Variants in DAB1 observed in about 807,000 individuals in gnomAD.
DAB1 encodes disabled homolog 1.
In DAB1, 15 loss-of-function variants were observed where a neutral mutation model predicts 64.6. The ratio of observed to expected loss-of-function variants is 0.23; its 90% CI spans 0.16 to 0.36. The LOEUF is 0.36. Among genes scored for constraint, DAB1 ranks in the 10% least tolerant of loss-of-function variants. DAB1 has a pLI of 1.00. For synonymous variants in DAB1, 235 were observed against 251.9 expected (o/e 0.93, Z 0.64); for missense variants, 596 against 706.7 (o/e 0.84, Z 1.78).
At chr1:57,172,300 G>A (rs1382852039) in intron 2 of DAB1, among the ~76,000 whole-genome samples, 1 of 152,090 alleles carries the variant, frequency 6.6e-6, no homozygotes, top group East Asian at 1.9e-4. Context: ...GAGGACTGGG[G>A]GGTAGCACAA....
rs564965108 is a variant in DAB1, at chr1:58,112,662, G to A, written n.387+37849C>T. Among the ~76,000 whole-genome samples, 45 of 152,262 alleles carry A rather than the reference G, an allele frequency of 3.0e-4. No individual in the cohort carries two copies. In the South Asian group the frequency reaches 8.7e-3, roughly 29 times the overall value. Reference sequence around the variant, plus strand: ...TGTGTCACTCTTCATGGAAACCATAGGTCCTAATTCAGTGCTCAGCACATA... The same window carrying A: ...TGTGTCACTCTTCATGGAAACCATAAGTCCTAATTCAGTGCTCAGCACATA... On this transcript the variant is annotated intron_variant and non_coding_transcript_variant, in intron 5 of 20. Coordinates refer to the DAB1 transcript ENST00000485760.
intron 6 of DAB1, among the ~76,000 whole-genome samples, chr1:57,667,926 T>C (rs908820041): frequency 6.6e-6 from 1 of 151,846 alleles, no homozygotes; most frequent in Non-Finnish European, 1.5e-5. Flanking sequence ...ACCTCATGCA[T>C]GTGGGGCTTA....
chr1:57,401,522 G>A (rs1683242406), intron 1 of DAB1, among the ~76,000 whole-genome samples: 1 of 152,148 alleles, frequency 6.6e-6, no homozygotes, highest in Non-Finnish European at 1.5e-5. Context: ...GCTTAGGTCT[G>A]GGAAGGCTTC....
chr1:57,121,186 A>G (rs78454852), intron 4 of DAB1, among the ~76,000 whole-genome samples: 42 of 53,352 alleles, frequency 7.9e-4, no homozygotes, highest in Admixed American at 1.9e-3. Context: ...AGGAGAAGAA[A>G]GAGAAGAAGG....
Position 57,233,255 on chromosome 1 carries a change from C to CTTTTTTTTTTTTTTTTTTTTTT in DAB1, c.67+57687_67+57708dup, listed in dbSNP as rs1186221366. 4.9e-5 allele frequency among the ~76,000 whole-genome samples: 3 copies of CTTTTTTTTTTTTTTTTTTTTTT among 60,804 alleles called. 1 individual carries two copies. The highest frequency in any genetic ancestry group is 8.4e-5 in the Non-Finnish European group (3 of 35,518). The allele number at this position is 60,804 out of a possible 152,430, so 39.9% of individuals were successfully genotyped here. ...TGCAGCTTCAAGCTTTGCTCCGATT[C>CTTTTTTTTTTTTTTTTTTTTTT]TTTTTTTTTTTTTTTTTTTTTTTTT... is the stretch of plus-strand genomic sequence containing the variant. On this transcript the variant is annotated intron_variant, in intron 2 of 14. Coordinates refer to ENST00000371236, the MANE Select transcript of DAB1 (RefSeq NM_001365792.1).
chr1:58,277,037 CTTT>C (rs869207396), intron 4 of DAB1, among the ~76,000 whole-genome samples: 12 of 79,690 alleles, frequency 1.5e-4, no homozygotes, highest in African/African-American at 2.1e-4. Flanking sequence ...CTTTTTTTTT[CTTT>C]TTTTTTTTTT....
intron 6 of DAB1, among the ~76,000 whole-genome samples, chr1:57,776,065 T>C (rs774460886): frequency 8.3e-4 from 126 of 151,940 alleles, no homozygotes; most frequent in Non-Finnish European, 1.1e-3. Context: ...CATTTACTTT[T>C]AGCCTATCTG....
At chr1:57,440,874 C>G (rs1318116277) in intron 7 of DAB1, among the ~76,000 whole-genome samples, 4 of 151,894 alleles carry the variant, frequency 2.6e-5, no homozygotes, top group Non-Finnish European at 5.9e-5. Flanking sequence ...TTTTTATAAT[C>G]TGATATTTTA....
At chr1:57,033,339 G>C (rs1057375429) in intron 9 of DAB1, 16 of 1,579,474 alleles carry the variant, frequency 1.0e-5, no homozygotes, top group Middle Eastern at 1.7e-4. Flanking sequence ...TGGAATGCAT[G>C]AGTATGAGCA....
chr1:58,018,954 A>T (rs2100448680), intron 5 of DAB1, among the ~76,000 whole-genome samples: 1 of 152,298 alleles, frequency 6.6e-6, no homozygotes, highest in African/African-American at 2.4e-5. Context: ...TTCTCAGGAG[A>T]GGCAATGTGA....
At chr1:58,257,144 A>G (rs1660950819) in intron 4 of DAB1, among the ~76,000 whole-genome samples, 3 of 152,154 alleles carry the variant, frequency 2.0e-5, no homozygotes, top group Admixed American at 2.0e-4. Context: ...TCCAGAGCCT[A>G]CTGTGTGTCA....
At chr1:57,957,017 T>C (rs1008908407) in intron 5 of DAB1, among the ~76,000 whole-genome samples, 1 of 152,202 alleles carries the variant, frequency 6.6e-6, no homozygotes, top group Non-Finnish European at 1.5e-5. Context: ...TGGTGAATGA[T>C]GAAATGAAGG....
At chr1:58,268,084 A>G (rs1034398269) in intron 4 of DAB1, among the ~76,000 whole-genome samples, 1 of 81,288 alleles carries the variant, frequency 1.2e-5, no homozygotes, top group African/African-American at 3.3e-5. Flanking sequence ...TAATTCTGCC[A>G]CTTATGAGCT....
At chr1:57,378,568 T>C (rs1416756081) in intron 1 of DAB1, among the ~76,000 whole-genome samples, 1 of 152,178 alleles carries the variant, frequency 6.6e-6, no homozygotes, top group Non-Finnish European at 1.5e-5. Flanking sequence ...GTATAAGATA[T>C]TAAGTTATAA....
intron 2 of DAB1, among the ~76,000 whole-genome samples, chr1:58,519,513 C>G (rs951945926): frequency 7.2e-5 from 11 of 152,136 alleles, no homozygotes; most frequent in Non-Finnish European, 1.6e-4. Context: ...ACCTCAGGCT[C>G]TGAATGAGTG....
At chr1:57,593,831 C>T (rs979855440) in intron 7 of DAB1, among the ~76,000 whole-genome samples, 3 of 152,142 alleles carry the variant, frequency 2.0e-5, no homozygotes, top group Admixed American at 6.5e-5. Flanking sequence ...TGGCTAACCT[C>T]GTCTTTACAA....
intron 7 of DAB1, among the ~76,000 whole-genome samples, chr1:57,561,078 T>C (rs940861606): frequency 2.0e-5 from 3 of 152,086 alleles, no homozygotes; most frequent in Non-Finnish European, 4.4e-5. Flanking sequence ...AAGGCACAAG[T>C]AAGTTACATG....
At chr1:58,230,435 C>T (rs990731194) in intron 4 of DAB1, among the ~76,000 whole-genome samples, 1 of 152,192 alleles carries the variant, frequency 6.6e-6, no homozygotes, top group African/African-American at 2.4e-5. Context: ...AGTATTTGTT[C>T]CTGGAGCCAC....
chr1:57,230,010 T>C (rs1262222287), intron 2 of DAB1, among the ~76,000 whole-genome samples: 1 of 152,206 alleles, frequency 6.6e-6, no homozygotes, highest in Non-Finnish European at 1.5e-5. Context: ...TCAAGACTTG[T>C]TTATTGAAGC....
Sources: allele counts gnomAD v4.1 joint callset (sites outside exome capture counted in the v4.1 genomes callset), GRCh38; gene constraint gnomAD v4.1.1; transcripts MANE v1.5; gene names NCBI Gene and HGNC (gene_info 2026-07-23, HGNC 2026-07-21).